Variants in NSMCE2 observed in about 807,000 individuals in gnomAD.
NSMCE2 encodes E3 SUMO-protein ligase NSE2.
In NSMCE2, 24 loss-of-function variants were observed where a neutral mutation model predicts 23.8. The ratio of observed to expected loss-of-function variants is 1.01; its 90% CI spans 0.73 to 1.42. The LOEUF (loss-of-function observed/expected upper bound fraction) is 1.42, where lower values mean the gene tolerates loss of function less well. NSMCE2 is among the 40% of genes most tolerant of loss of function. The pLI, the probability that NSMCE2 is intolerant of heterozygous loss-of-function variation, is 0.00. For missense variants in NSMCE2, 284 were observed against 296.5 expected, an observed-to-expected ratio of 0.96 and a Z score of 0.31; for synonymous variants, 92 against 94.1, an observed-to-expected ratio of 0.98 and a Z score of 0.13.
chr8:125,269,337 C>T (rs1288859507), intron 5 of NSMCE2, among the ~76,000 whole-genome samples: 1 of 152,198 alleles, frequency 6.6e-6, no homozygotes, highest in African/African-American at 2.4e-5. Flanking sequence ...TCACCTTCCT[C>T]CGCCTCCCAA....
At chr8:125,281,887 G>C (rs1382346150) in intron 5 of NSMCE2, among the ~76,000 whole-genome samples, 11 of 152,098 alleles carry the variant, frequency 7.2e-5, no homozygotes, top group African/African-American at 2.7e-4. Context: ...CTAAGTGGGT[G>C]ATTTAAGAAT....
chr8:125,332,638 CA>C (rs1256794888), intron 5 of NSMCE2, among the ~76,000 whole-genome samples: 8 of 152,134 alleles, frequency 5.3e-5, no homozygotes, highest in Non-Finnish European at 1.2e-4. Context: ...CAAGCTAATC[CA>C]GATATATTAC....
intron 5 of NSMCE2, among the ~76,000 whole-genome samples, chr8:125,267,486 G>A (rs903680333): frequency 4.6e-5 from 7 of 152,168 alleles, no homozygotes; most frequent in Non-Finnish European, 7.4e-5. Flanking sequence ...TGAATGCTAC[G>A]CTAAGAAATC....
chr8:125,132,100 T>A (rs149265977), intron 3 of NSMCE2, among the ~76,000 whole-genome samples: 1 of 152,302 alleles, frequency 6.6e-6, no homozygotes, highest in East Asian at 1.9e-4. Flanking sequence ...CTTCTTCTTC[T>A]TATGGGGAGT....
chr8:125,193,804 C>A (rs185947944), intron 5 of NSMCE2, among the ~76,000 whole-genome samples: 3 of 152,260 alleles, frequency 2.0e-5, no homozygotes, highest in Admixed American at 6.5e-5. Flanking sequence ...CTAAGTGTGC[C>A]CCTTCAGTCT....
intron 5 of NSMCE2, among the ~76,000 whole-genome samples, chr8:125,301,654 T>A (rs1828568364): frequency 4.8e-5 from 1 of 20,716 alleles, no homozygotes; most frequent in East Asian, 1.5e-3. Flanking sequence ...TACAAGCCAT[T>A]TTTTTTTTTT....
At chr8:125,155,476 C>T (rs1344437718) in intron 4 of NSMCE2, among the ~76,000 whole-genome samples, 3 of 152,066 alleles carry the variant, frequency 2.0e-5, no homozygotes, top group Admixed American at 6.6e-5. Flanking sequence ...GTTGAGTAAC[C>T]TAAGATTGGT....
chr8:125,335,137 C>G (rs2131309607), intron 5 of NSMCE2, among the ~76,000 whole-genome samples: 1 of 152,066 alleles, frequency 6.6e-6, no homozygotes, highest in East Asian at 1.9e-4. Flanking sequence ...GAGTGAAGTC[C>G]CAACAGGACT....
At chr8:125,249,044 G>A (rs1454437607) in intron 5 of NSMCE2, among the ~76,000 whole-genome samples, 1 of 152,106 alleles carries the variant, frequency 6.6e-6, no homozygotes, top group African/African-American at 2.4e-5. Flanking sequence ...GGTGGCACAT[G>A]CCTTTAATCC....
chr8:125,239,302 C>CA (rs555694987), intron 5 of NSMCE2, among the ~76,000 whole-genome samples: 69 of 152,114 alleles, frequency 4.5e-4, no homozygotes, highest in South Asian at 2.5e-3. Context: ...TCTTATGTTA[C>CA]AAAAAAATAG....
chr8:125,274,020 A>G (rs1827337650), intron 5 of NSMCE2, among the ~76,000 whole-genome samples: 1 of 152,152 alleles, frequency 6.6e-6, no homozygotes, highest in Non-Finnish European at 1.5e-5. Flanking sequence ...CTCTTTTTGC[A>G]AGGTGGAATG....
At chr8:125,172,978 G>A (rs1288862579) in intron 4 of NSMCE2, among the ~76,000 whole-genome samples, 1 of 152,150 alleles carries the variant, frequency 6.6e-6, no homozygotes, top group African/African-American at 2.4e-5. Context: ...CCTATATGGA[G>A]TTATTTCTAT....
intron 5 of NSMCE2, among the ~76,000 whole-genome samples, chr8:125,215,885 C>G (rs1011621562): frequency 2.6e-5 from 4 of 152,152 alleles, no homozygotes; most frequent in Admixed American, 2.6e-4. Context: ...GAGTTCAACA[C>G]CAGCTTGGGC....
intron 5 of NSMCE2, among the ~76,000 whole-genome samples, chr8:125,305,439 G>A (rs985324602): frequency 6.6e-6 from 1 of 152,182 alleles, no homozygotes; most frequent in Non-Finnish European, 1.5e-5. Context: ...GAGGAGAAAT[G>A]GAGTAGGGAC....
chr8:125,157,468 C>T (rs2130709429), intron 4 of NSMCE2, among the ~76,000 whole-genome samples: 1 of 152,300 alleles, frequency 6.6e-6, no homozygotes, highest in South Asian at 2.1e-4. Flanking sequence ...ACTCTTCAGA[C>T]ACTTGGAATG....
At position 125,150,999 on chromosome 8, in the gene NSMCE2, G is replaced by GT. The variant is rs540205322; in HGVS notation, c.158-164dup. ...GAATGAAGCATCATATGGTGAGGAG[G>GT]TTTTTTTTATTTTTTTTATTTTTTA... is the stretch of plus-strand genomic sequence containing the variant. On this transcript the variant is annotated intron_variant, in intron 3 of 7. Transcript: ENST00000287437. Among the ~76,000 whole-genome samples the GT allele has an allele frequency of 1.1e-4, 16 of 151,592 alleles. No individual in the cohort carries two copies. In the South Asian group the frequency reaches 1.9e-3, roughly 18 times the overall value.
At chr8:125,263,289 A>C (rs1039142758) in intron 5 of NSMCE2, among the ~76,000 whole-genome samples, 2 of 152,138 alleles carry the variant, frequency 1.3e-5, no homozygotes, top group Non-Finnish European at 2.9e-5. Flanking sequence ...TAGGTATGTC[A>C]GTTTGGTTCT....
At chr8:125,183,907 A>G (rs6995023) in intron 5 of NSMCE2, among the ~76,000 whole-genome samples, 138 of 152,292 alleles carry the variant, frequency 9.1e-4, no homozygotes, top group African/African-American at 3.3e-3. Context: ...ACCGAGAACT[A>G]TTCTATTTGG....
intron 4 of NSMCE2, among the ~76,000 whole-genome samples, chr8:125,152,869 C>T (rs1438760463): frequency 1.3e-5 from 2 of 151,796 alleles, no homozygotes; most frequent in Non-Finnish European, 2.9e-5. Context: ...ACCAGCCTGG[C>T]CAACATAGTG....
Sources: gnomAD v4.1 joint callset for allele counts (sites outside exome capture counted in the v4.1 genomes callset) on GRCh38, gnomAD v4.1.1 for gene constraint, MANE v1.5 for transcripts, NCBI Gene and HGNC (gene_info 2026-07-23, HGNC 2026-07-21) for gene names.